IKZF2: variants seen among roughly 807,000 people sequenced by gnomAD.
The protein encoded by IKZF2 is zinc finger protein Helios.
IKZF2 carries 15 observed loss-of-function variants against 49.2 expected under a neutral mutation model. That is an observed-to-expected ratio of 0.30 (90% CI 0.20 to 0.47). The LOEUF (loss-of-function observed/expected upper bound fraction) is 0.47. IKZF2 is among the 20% of genes least tolerant of loss of function. The pLI is 1.00. For synonymous variants in IKZF2, 227 were observed against 221.4 expected (o/e 1.03, Z -0.23); for missense variants, 567 against 664.6 (o/e 0.85, Z 1.61).
intron 4 of IKZF2, among the ~76,000 whole-genome samples, chr2:213,138,772 C>T (rs1371736381): frequency 6.6e-6 from 1 of 152,012 alleles, no homozygotes. Context: ...ACATGAAATA[C>T]AACAGTTTGC....
intron 7 of IKZF2, chr2:213,014,537 T>C (rs1255029741): frequency 6.6e-6 from 1 of 151,968 alleles, no homozygotes; most frequent in Non-Finnish European, 1.5e-5. Flanking sequence ...GCTTTATGAT[T>C]GTAATTTATT....
intron 4 of IKZF2, among the ~76,000 whole-genome samples, chr2:213,068,029 T>C (rs1425232215): frequency 1.3e-5 from 2 of 152,148 alleles, no homozygotes; most frequent in Non-Finnish European, 2.9e-5. Flanking sequence ...GTTATCTCCA[T>C]TTCTAAATCA....
At chr2:213,145,381 T>C (rs1441166) in intron 4 of IKZF2, among the ~76,000 whole-genome samples, 67,108 of 151,622 alleles carry the variant, frequency 0.44, 18,336 homozygotes, top group East Asian at 0.91. Context: ...TATTTGAAGA[T>C]ATTAAAAAAT....
At chr2:213,126,688 G>A (rs942325048) in intron 4 of IKZF2, among the ~76,000 whole-genome samples, 1 of 152,030 alleles carries the variant, frequency 6.6e-6, no homozygotes, top group African/African-American at 2.4e-5. Context: ...CAATAGGTAC[G>A]TCATATGGTA....
chr2:213,088,722 C>T (rs1046583421), intron 4 of IKZF2, among the ~76,000 whole-genome samples: 2 of 152,148 alleles, frequency 1.3e-5, no homozygotes, highest in African/African-American at 4.8e-5. Context: ...TGCGCCACTG[C>T]ACTCCAGTCT....
chr2:213,106,642 T>TAA lies in IKZF2; in HGVS notation c.139+41064_139+41065dup, dbSNP rs56160319. On this transcript the variant is annotated intron_variant, in intron 4 of 8. Coordinates refer to ENST00000434687, the MANE Select transcript of IKZF2 (RefSeq NM_001387220.1). ...GCGACAGAGTGAGGGAAACCCTGTC[T>TAA]AAAAAAAAAAAAAAGAAAAAAGAAA... Among the ~76,000 whole-genome samples, 126 of 126,642 alleles carry TAA rather than the reference T, an allele frequency of 9.9e-4. 1 individual carries two copies. In the East Asian group the frequency reaches 0.01, roughly 10 times the overall value. The allele number at this position is 126,642 out of a possible 152,430, so 83.1% of individuals were successfully genotyped here. A position where few individuals can be genotyped will look rare whatever the true frequency, so the allele number is the denominator to read the frequency against.
At chr2:213,057,681 C>G (rs1380196995) in intron 4 of IKZF2, among the ~76,000 whole-genome samples, 2 of 152,126 alleles carry the variant, frequency 1.3e-5, no homozygotes, top group African/African-American at 4.8e-5. Context: ...TATTCAGTTT[C>G]GAGCTATATA....
chr2:213,048,640 A>G (rs1700392263), intron 6 of IKZF2, among the ~76,000 whole-genome samples: 1 of 152,094 alleles, frequency 6.6e-6, no homozygotes, highest in Non-Finnish European at 1.5e-5. Flanking sequence ...AGAAAAATAT[A>G]TACTTAAAAT....
At chr2:213,143,722 G>A (rs575321189) in intron 4 of IKZF2, among the ~76,000 whole-genome samples, 76 of 151,918 alleles carry the variant, frequency 5.0e-4, no homozygotes, top group African/African-American at 1.7e-3. Flanking sequence ...CTAAGCTACA[G>A]AAGAAAACTC....
At chr2:213,148,798 C>T (rs1411847561) in intron 2 of IKZF2, among the ~76,000 whole-genome samples, 154 bp from the exon 3 acceptor site, 1 of 152,156 alleles carries the variant, frequency 6.6e-6, no homozygotes, top group African/African-American at 2.4e-5. Flanking sequence ...TGCTCATTTG[C>T]AAGTCACTGA....
At chr2:213,050,010 T>C in intron 5 of IKZF2, 130 bp from the exon 6 acceptor site, 1 of 561,368 alleles carries the variant, frequency 1.8e-6, no homozygotes, top group Non-Finnish European at 2.8e-6. Context: ...CTTTTAAACA[T>C]TTATCTGCCC....
chr2:213,134,829 A>T (rs747838749), intron 4 of IKZF2, among the ~76,000 whole-genome samples: 3 of 152,224 alleles, frequency 2.0e-5, no homozygotes, highest in Non-Finnish European at 2.9e-5. Context: ...GTGAAGAAAG[A>T]AAAAGGGGAG....
intron 4 of IKZF2, among the ~76,000 whole-genome samples, chr2:213,121,610 C>A (rs1050845872): frequency 8.5e-5 from 13 of 152,126 alleles, no homozygotes; most frequent in African/African-American, 2.9e-4. Flanking sequence ...TGTGATTACC[C>A]CTGGCATATT....
At chr2:213,017,078 T>C (rs1696690637) in intron 7 of IKZF2, 1 of 152,196 alleles carries the variant, frequency 6.6e-6, no homozygotes, top group Non-Finnish European at 1.5e-5. Flanking sequence ...TCTTAGTTAT[T>C]TTCTTGACAG....
At chr2:213,148,881 G>C (rs941472754) in intron 2 of IKZF2, among the ~76,000 whole-genome samples, 1 of 152,058 alleles carries the variant, frequency 6.6e-6, no homozygotes, top group Non-Finnish European at 1.5e-5. Context: ...AGATGGGCTA[G>C]AGCAAAAAGG....
intron 4 of IKZF2, among the ~76,000 whole-genome samples, chr2:213,103,191 C>G (rs1197577756): frequency 2.0e-5 from 3 of 152,208 alleles, no homozygotes; most frequent in Non-Finnish European, 4.4e-5. Context: ...TACAAGGTCA[C>G]TCAGTCAGTA....
chr2:213,086,901 C>T (rs1014573247), intron 4 of IKZF2, among the ~76,000 whole-genome samples: 5 of 152,098 alleles, frequency 3.3e-5, no homozygotes, highest in Non-Finnish European at 5.9e-5. Flanking sequence ...ACTGGCTTTC[C>T]TCCAGGTTCA....
intron 4 of IKZF2, among the ~76,000 whole-genome samples, chr2:213,077,052 G>A (rs1331397812): frequency 6.6e-6 from 1 of 152,184 alleles, no homozygotes; most frequent in Non-Finnish European, 1.5e-5. Flanking sequence ...CAAAAGGACT[G>A]TGGAATATCT....
At chr2:213,008,208 T>C (rs1335902462) in intron 8 of IKZF2, 124 bp from the exon 9 acceptor site, 3 of 1,139,818 alleles carry the variant, frequency 2.6e-6, no homozygotes, top group African/African-American at 3.2e-5. Flanking sequence ...TAATTTGGTA[T>C]ATATTACTCT....
Sources: gnomAD v4.1 joint callset for allele counts (sites outside exome capture counted in the v4.1 genomes callset) on GRCh38, gnomAD v4.1.1 for gene constraint, MANE v1.5 for transcripts, NCBI Gene and HGNC (gene_info 2026-07-23, HGNC 2026-07-21) for gene names.